The following KLK15 variants were observed in gnomAD, a reference collection of about 807,000 sequenced individuals.
The protein encoded by KLK15 is kallikrein related peptidase 15.
KLK15 carries 19 observed loss-of-function variants against 21.1 expected under a neutral mutation model. The observed-to-expected ratio is 0.90, with a 90% CI of 0.63 to 1.32. The LOEUF (loss-of-function observed/expected upper bound fraction) is 1.32, where lower values mean the gene tolerates loss of function less well. KLK15 is among the 40% of genes most tolerant of loss of function. The pLI, the probability that KLK15 is intolerant of heterozygous loss-of-function variation, is 0.00. For synonymous variants in KLK15, 141 were observed against 141.5 expected, an observed-to-expected ratio of 1.00 and a Z score of 0.03; for missense variants, 345 against 348.6, an observed-to-expected ratio of 0.99 and a Z score of 0.08.
chr19:50,832,764 A>G (rs1196227448), upstream of KLK15, among the ~76,000 whole-genome samples: 1 of 151,928 alleles, frequency 6.6e-6, no homozygotes, highest in African/African-American at 2.4e-5. Context: ...CCGCATATCC[A>G]ACGCCATTCC....
intron 1 of KLK15, chr19:50,831,192 C>T: frequency 2.8e-6 from 1 of 359,470 alleles, no homozygotes; most frequent in Admixed American, 4.7e-5. Flanking sequence ...CCCCAGGACT[C>T]AGCTCAGGTT....
chr19:50,827,615 C>A (rs750781376), intron 2 of KLK15, 47 bp downstream of exon 3: 11 of 1,580,522 alleles, frequency 7.0e-6, no homozygotes, highest in East Asian at 2.2e-5. Flanking sequence ...AGGAGCTCTT[C>A]CCCCCGAACC....
At chr19:50,832,002 A>G (rs570011889), upstream of KLK15, among the ~76,000 whole-genome samples, 37 of 149,966 alleles carry the variant, frequency 2.5e-4, no homozygotes, top group East Asian at 6.7e-3. Context: ...TTTTTTTTTT[A>G]AGTAGAGACA....
chr19:50,826,500 A>G, intron 4 of KLK15, 121 bp downstream of exon 5: 1 of 1,233,994 alleles, frequency 8.1e-7, no homozygotes, highest in Non-Finnish European at 1.1e-6. Context: ...TTCCTACTCC[A>G]TCTCCAAGCC....
At chr19:50,827,077 T>G in exon 3 of KLK15, 1 of 1,606,406 alleles carries the variant, frequency 6.2e-7, no homozygotes, top group Non-Finnish European at 8.5e-7. Flanking sequence ...AGCGCGGGTG[T>G]GGAATGACCC....
Position 50,829,456 on chromosome 19 carries a change from C to A in KLK15, c.44-1641G>T, listed in dbSNP as rs191719471. On this transcript the variant is annotated intron_variant, in intron 1 of 4. Coordinates refer to ENST00000598239, the Ensembl canonical transcript of KLK15. Reference sequence around the variant, plus strand: ...AAGTTCAGGTCCATCCTGGAGATGGCCAACATAAGTCAGACATCTGCACAG... The same window carrying A: ...AAGTTCAGGTCCATCCTGGAGATGGACAACATAAGTCAGACATCTGCACAG... 1.1e-3 allele frequency among the ~76,000 whole-genome samples: 173 copies of A among 151,686 alleles called. 4 individuals carry two copies. Among genetic ancestry groups the A allele is most frequent in the African/African-American group, 4.0e-3 (164 of 41,446 alleles).
intron 1 of KLK15, among the ~76,000 whole-genome samples, chr19:50,829,085 C>T (rs1374128227): frequency 6.6e-6 from 1 of 150,556 alleles, no homozygotes; most frequent in African/African-American, 2.4e-5. Context: ...CACAAACACA[C>T]ACACAGAATT....
intron 1 of KLK15, among the ~76,000 whole-genome samples, chr19:50,828,503 C>T (rs1409579735): frequency 6.6e-6 from 1 of 151,646 alleles, no homozygotes. Flanking sequence ...CAGCCTTGGC[C>T]CCAGAGTCTG....
intron 1 of KLK15, among the ~76,000 whole-genome samples, chr19:50,829,223 A>C (rs1433425313): frequency 6.6e-6 from 1 of 151,502 alleles, no homozygotes; most frequent in Non-Finnish European, 1.5e-5. Context: ...CTAGCTGTGA[A>C]ACTTTGAGTA....
chr19:50,832,433 C>T (rs573327563), upstream of KLK15, among the ~76,000 whole-genome samples: 2 of 150,106 alleles, frequency 1.3e-5, no homozygotes, highest in East Asian at 3.9e-4. Flanking sequence ...AGAGATTCTC[C>T]TGCCTCAGCC....
chr19:50,827,556 T>G, intron 2 of KLK15, 106 bp downstream of exon 3: 1 of 1,234,940 alleles, frequency 8.1e-7, no homozygotes, highest in South Asian at 1.4e-5. Flanking sequence ...CCTCCTCGTC[T>G]TTCAGAACCC....
chr19:50,825,638 G>A (rs980374156), downstream of KLK15: 25 of 619,196 alleles, frequency 4.0e-5, no homozygotes, highest in South Asian at 6.7e-4. Flanking sequence ...GACCTTGAGC[G>A]CCAGCTTTGT....
exon 3 of KLK15, chr19:50,827,109 C>G: frequency 6.2e-7 from 1 of 1,604,272 alleles, no homozygotes; most frequent in Admixed American, 1.7e-5. Flanking sequence ...CGTAGTTGCT[C>G]TGGGCCATCG....
downstream of KLK15, chr19:50,825,653 A>G (rs1599948315): frequency 4.1e-6 from 3 of 736,092 alleles, no homozygotes; most frequent in East Asian, 8.2e-5. Flanking sequence ...CTTTGTCCTC[A>G]GGTGGGACAA....
intron 1 of KLK15, among the ~76,000 whole-genome samples, chr19:50,829,693 G>A (rs1426135958): frequency 6.6e-6 from 1 of 151,696 alleles, no homozygotes; most frequent in South Asian, 2.1e-4. Flanking sequence ...GGTGGTGCGT[G>A]CCTGTAATTC....
At chr19:50,831,099 T>C (rs2560935) in intron 1 of KLK15, 184,714 of 205,056 alleles carry the variant, frequency 0.9, 83,552 homozygotes, top group Non-Finnish European at 0.93. Context: ...TTGTCTCAAG[T>C]GGGTGCTGTC....
chr19:50,832,324 T>TTCC (rs1555766978), upstream of KLK15, among the ~76,000 whole-genome samples: 1 of 103,762 alleles, frequency 9.6e-6, no homozygotes, highest in African/African-American at 3.2e-5. Context: ...TTTTTTTTCT[T>TTCC]TTTTTTTTTT....
Position 50,825,962 on chromosome 19 carries a change from A to AGG in KLK15, c.619-16_619-15dup. 6.2e-7 allele frequency: 1 copy of AGG among 1,607,316 alleles called. No individual in the cohort carries two copies. Among genetic ancestry groups the AGG allele is most frequent in the Non-Finnish European group, 8.5e-7 (1 of 1,175,818 alleles). On this transcript the variant is annotated splice_polypyrimidine_tract_variant and intron_variant, in intron 4 of 4. Transcript: ENST00000598239. ...CCCAGAGTCACCCTGTGGGGAAAAGAGGGGGTCTCAGGTTGAGTGAAACCT... is the reference window on the plus strand; with the variant it reads ...CCCAGAGTCACCCTGTGGGGAAAAGAGGGGGGGTCTCAGGTTGAGTGAAACCT...
intron 3 of KLK15, 38 bp from the exon 5 acceptor site, chr19:50,826,795 T>A (rs1457291476): frequency 1.3e-6 from 2 of 1,591,600 alleles, no homozygotes; most frequent in African/African-American, 2.7e-5. Flanking sequence ...ATCCATAAAT[T>A]CCGGCCCTTG....
Sources: gnomAD v4.1 joint callset for allele counts (sites outside exome capture counted in the v4.1 genomes callset) on GRCh38, gnomAD v4.1.1 for gene constraint, MANE v1.5 for transcripts, NCBI Gene and HGNC (gene_info 2026-07-23, HGNC 2026-07-21) for gene names.